UBL3: variants seen among roughly 807,000 people sequenced by gnomAD.
UBL3 encodes ubiquitin-like protein 3.
In UBL3, 6 loss-of-function variants were observed where a neutral mutation model predicts 18.4. The observed-to-expected ratio is 0.33, with a 90% CI of 0.18 to 0.64. UBL3 has a LOEUF of 0.64. Ranked by LOEUF, UBL3 falls within the 30% of genes least tolerant of loss-of-function variation. The probability of loss-of-function intolerance (pLI) is 0.76; values close to 1 mark genes in which losing one functional copy is unlikely to be tolerated. For missense variants in UBL3, 109 were observed against 142.9 expected (o/e 0.76, Z 1.21); for synonymous variants, 49 against 46.6 (o/e 1.05, Z -0.21).
chr13:29,791,974 G>C (rs558202365), intron 1 of UBL3, among the ~76,000 whole-genome samples: 1 of 152,044 alleles, frequency 6.6e-6, no homozygotes, highest in African/African-American at 2.4e-5. Context: ...TTTATTATGC[G>C]TATGTGGCTA....
intron 1 of UBL3, among the ~76,000 whole-genome samples, chr13:29,815,159 C>G (rs1426887691): frequency 6.6e-6 from 1 of 152,106 alleles, no homozygotes; most frequent in African/African-American, 2.4e-5. Flanking sequence ...GTGTGTACTA[C>G]AACAGAAATC....
chr13:29,828,950 T>C (rs1181367236), intron 1 of UBL3, among the ~76,000 whole-genome samples: 3 of 152,240 alleles, frequency 2.0e-5, no homozygotes, highest in Non-Finnish European at 4.4e-5. Flanking sequence ...CTCCAGACCC[T>C]GTTTGCCTGG....
At chr13:29,807,556 GCTC>G (rs1452827197) in intron 1 of UBL3, among the ~76,000 whole-genome samples, 1 of 152,002 alleles carries the variant, frequency 6.6e-6, no homozygotes, top group Non-Finnish European at 1.5e-5. Flanking sequence ...AATTTTTAGA[GCTC>G]CTTTTTATTC....
chr13:29,842,347 G>A (rs1307659001), intron 1 of UBL3, among the ~76,000 whole-genome samples: 1 of 151,772 alleles, frequency 6.6e-6, no homozygotes, highest in Non-Finnish European at 1.5e-5. Context: ...TAGTAGAGAT[G>A]GGGGTTTCAC....
At chr13:29,798,688 C>G (rs1877679433) in intron 1 of UBL3, among the ~76,000 whole-genome samples, 1 of 152,178 alleles carries the variant, frequency 6.6e-6, no homozygotes, top group South Asian at 2.1e-4. Flanking sequence ...ACAAAAACTT[C>G]TAAGTAGTCA....
intron 1 of UBL3, among the ~76,000 whole-genome samples, chr13:29,819,412 G>C (rs988473788): frequency 6.6e-6 from 1 of 152,148 alleles, no homozygotes; most frequent in East Asian, 1.9e-4. Flanking sequence ...GATGCTCAGA[G>C]TTCAAAAGAA....
At chr13:29,794,738 G>C (rs968444188) in intron 1 of UBL3, among the ~76,000 whole-genome samples, 1 of 152,158 alleles carries the variant, frequency 6.6e-6, no homozygotes, top group Non-Finnish European at 1.5e-5. Flanking sequence ...TCTTGCTCTA[G>C]TTAATCCTGT....
At chr13:29,814,436 T>G (rs1878211044) in intron 1 of UBL3, among the ~76,000 whole-genome samples, 1 of 151,794 alleles carries the variant, frequency 6.6e-6, no homozygotes, top group Non-Finnish European at 1.5e-5. Flanking sequence ...ATTTAATATA[T>G]AGAGATATAT....
intron 1 of UBL3, among the ~76,000 whole-genome samples, chr13:29,811,844 G>GT (rs780958954): frequency 3.9e-5 from 6 of 151,938 alleles, no homozygotes; most frequent in Non-Finnish European, 7.4e-5. Context: ...GGGTTTTTGT[G>GT]TTTTTTTGGT....
chr13:29,796,556 T>C (rs1350270908), intron 1 of UBL3, among the ~76,000 whole-genome samples: 6 of 152,162 alleles, frequency 3.9e-5, no homozygotes, highest in Non-Finnish European at 8.8e-5. Flanking sequence ...CAAATAAACT[T>C]ATAAGCATTT....
chr13:29,771,872 T>C (rs368679208), intron 3 of UBL3, among the ~76,000 whole-genome samples: 3 of 152,158 alleles, frequency 2.0e-5, no homozygotes, highest in South Asian at 4.1e-4. Context: ...ATAGTAGGTA[T>C]AGAATCCTAC....
chr13:29,794,181 T>C lies in UBL3; in HGVS notation c.28-16918A>G, dbSNP rs551746418. Reference sequence around the variant, plus strand: ...TATCTTATTTTCAGAATAGTCAAGATGTTAATGTTTGAACACTTACCAATA... The same window carrying C: ...TATCTTATTTTCAGAATAGTCAAGACGTTAATGTTTGAACACTTACCAATA... On this transcript the variant is annotated intron_variant, in intron 1 of 4. Coordinates refer to ENST00000380680, the MANE Select transcript of UBL3 (RefSeq NM_007106.4). Among the ~76,000 whole-genome samples the C allele has an allele frequency of 3.3e-5, 5 of 152,314 alleles. No individual in the cohort carries two copies. In the South Asian group the frequency reaches 1.0e-3, roughly 32 times the overall value.
rs369087845 is a variant in UBL3 at position 29,817,583 on chromosome 13, T to C, written c.27+31929A>G. ...TAGAAAGGAAAGCGTTTCTGGAGGT[T>C]TTCTATTTTTTTCAATGTAATCTGT... On this transcript the variant is annotated intron_variant, in intron 1 of 4. Coordinates refer to ENST00000380680, the MANE Select transcript of UBL3 (RefSeq NM_007106.4). Among the ~76,000 whole-genome samples, 103 of 152,278 alleles carry C rather than the reference T, an allele frequency of 6.8e-4. 2 individuals carry two copies. Among genetic ancestry groups the C allele is most frequent in the Middle Eastern group, 3.4e-3 (1 of 294 alleles).
intron 1 of UBL3, among the ~76,000 whole-genome samples, chr13:29,780,283 G>A (rs1877113348): frequency 6.8e-6 from 1 of 147,238 alleles, no homozygotes; most frequent in African/African-American, 2.5e-5. Flanking sequence ...GAACCTGGGA[G>A]GTGGAGCTTG....
At chr13:29,832,372 G>C (rs1166463521) in intron 1 of UBL3, among the ~76,000 whole-genome samples, 1 of 141,722 alleles carries the variant, frequency 7.1e-6, no homozygotes. Context: ...TCGCTCTTTC[G>C]CCCAGGCCAG....
intron 1 of UBL3, among the ~76,000 whole-genome samples, chr13:29,791,186 TTTTCTCACTTGCCCTTA>T (rs1425838715): frequency 6.6e-6 from 1 of 152,208 alleles, no homozygotes; most frequent in African/African-American, 2.4e-5. Context: ...TCCTGCCCTT[TTTTCTCACTTGCCCTTA>T]CCCAATTACT....
At chr13:29,816,636 T>A (rs1878289556) in intron 1 of UBL3, among the ~76,000 whole-genome samples, 1 of 150,840 alleles carries the variant, frequency 6.6e-6, no homozygotes, top group Non-Finnish European at 1.5e-5. Context: ...ATGCCTGTGG[T>A]CCCAACTACT....
chr13:29,772,789 C>CA (rs1033209018), intron 2 of UBL3, among the ~76,000 whole-genome samples: 23 of 151,652 alleles, frequency 1.5e-4, no homozygotes, highest in Middle Eastern at 3.4e-3. Flanking sequence ...TGGAAGAAAC[C>CA]AAAAAAATTA....
intron 1 of UBL3, among the ~76,000 whole-genome samples, chr13:29,814,420 A>G (rs1226742356): frequency 6.6e-6 from 1 of 151,964 alleles, no homozygotes; most frequent in Non-Finnish European, 1.5e-5. Flanking sequence ...GTTATCATAA[A>G]TAATCATTTA....
Sources: allele counts gnomAD v4.1 joint callset (sites outside exome capture counted in the v4.1 genomes callset), GRCh38; gene constraint gnomAD v4.1.1; transcripts MANE v1.5; gene names NCBI Gene and HGNC (gene_info 2026-07-23, HGNC 2026-07-21).